CELA1: variants seen among roughly 807,000 people sequenced by gnomAD.
CELA1 encodes the protein chymotrypsin like elastase 1, also known as chymotrypsin-like elastase family member 1.
Under a neutral mutation model 34.8 loss-of-function variants are expected in CELA1, and 28 were observed. That is an observed-to-expected ratio of 0.80 (90% CI 0.60 to 1.10). The LOEUF (loss-of-function observed/expected upper bound fraction) is 1.10. Among genes scored for constraint, CELA1 ranks in the 50% least tolerant of loss-of-function variants. CELA1 has a pLI of 0.00. For missense variants in CELA1, 288 were observed against 327.5 expected (o/e 0.88, Z 0.93); for synonymous variants, 140 against 129.8 (o/e 1.08, Z -0.53).
At chr12:51,336,537 G>C (rs933679989) in intron 6 of CELA1, among the ~76,000 whole-genome samples, 1 of 152,182 alleles carries the variant, frequency 6.6e-6, no homozygotes, top group Non-Finnish European at 1.5e-5. Flanking sequence ...TGAGGTAGTA[G>C]AATCACTTGA....
intron 6 of CELA1, among the ~76,000 whole-genome samples, chr12:51,338,156 T>C (rs1322959819): frequency 6.6e-6 from 1 of 150,622 alleles, no homozygotes; most frequent in Non-Finnish European, 1.5e-5. Flanking sequence ...AAGAATTGCT[T>C]GAACCCGGGA....
At chr12:51,338,459 G>T (rs1946514053) in intron 6 of CELA1, among the ~76,000 whole-genome samples, 1 of 151,998 alleles carries the variant, frequency 6.6e-6, no homozygotes, top group Non-Finnish European at 1.5e-5. Context: ...TGTACTCTAG[G>T]TTGTTTCTTG....
At chr12:51,345,916 T>TG (rs759266978) in intron 1 of CELA1, 39 bp from the exon 2 acceptor site, 15 of 1,422,224 alleles carry the variant, frequency 1.1e-5, no homozygotes, top group Non-Finnish European at 1.4e-5. Context: ...TGACTAAGCA[T>TG]GGGGTCAGCC....
chr12:51,345,819 G>A lies in CELA1; in HGVS notation c.75C>T (p.Ala25=), dbSNP rs1298049269. 30 of 1,558,180 alleles carry A rather than the reference G, an allele frequency of 1.9e-5. No homozygotes were observed. The highest frequency in any genetic ancestry group is 3.6e-5 in the South Asian group (3 of 84,476). The change falls in exon 2 of 8, where the codon GCC becomes GCT. Residue 25 remains alanine, a synonymous_variant. Transcript: ENST00000293636. The stretch of plus-strand genomic sequence containing the variant: ...CCTGAGAGGGCCAGGAATTCCTCCC[G>A]GCCTCAGTCCCTCCGACTACGCGGG... ...TNARVVGGTE[A]GRNSWPSQIS...
At chr12:51,342,754 C>G in intron 3 of CELA1, 54 bp from the exon 4 acceptor site, 2 of 1,562,820 alleles carry the variant, frequency 1.3e-6, no homozygotes, top group Middle Eastern at 1.7e-4. Context: ...ACCTTCTCTA[C>G]CCCACTTAGA....
rs974710740 is a variant in CELA1, at chr12:51,345,949, G to A, written c.17-72C>T. The A allele has an allele frequency of 1.6e-5, 17 of 1,059,014 alleles. No individual in the cohort carries two copies. The African/African-American group carries it at 1.7e-4, about 11-fold the overall frequency. 65.6% of individuals were successfully genotyped at this position (1,059,014 alleles called of 1,614,324 possible). A position where few individuals can be genotyped will look rare whatever the true frequency, so the allele number is the denominator to read the frequency against. On this transcript the variant is annotated intron_variant, in intron 1 of 7. Transcript: ENST00000293636. ...GCCAGGGGTAGGGGTGGGGGGTGGC[G>A]ATTGTGCTTTGAGGAATGTTAGCCT...
At chr12:51,331,712 G>A (rs1189603490) in intron 6 of CELA1, among the ~76,000 whole-genome samples, 3 of 152,200 alleles carry the variant, frequency 2.0e-5, no homozygotes, top group Non-Finnish European at 4.4e-5. Flanking sequence ...CACCCATTAA[G>A]TATCCCTCAC....
chr12:51,342,900 T>C (rs1214794174), intron 3 of CELA1, among the ~76,000 whole-genome samples, 200 bp from the exon 4 acceptor site: 2 of 151,944 alleles, frequency 1.3e-5, no homozygotes, highest in African/African-American at 2.4e-5. Context: ...CCACCGCAGC[T>C]TCCCTAGTAG....
intron 6 of CELA1, among the ~76,000 whole-genome samples, chr12:51,331,989 C>A (rs1026784624): frequency 6.6e-6 from 1 of 151,928 alleles, no homozygotes; most frequent in Non-Finnish European, 1.5e-5. Flanking sequence ...TTGAGACCAG[C>A]CTGGGGTACA....
intron 2 of CELA1, among the ~76,000 whole-genome samples, chr12:51,345,125 CA>C (rs34904841): frequency 0.56 from 81,687 of 147,134 alleles, 23,088 homozygotes; most frequent in Non-Finnish European, 0.64. Context: ...AACTCCATCT[CA>C]AAAAAAAAAA....
At chr12:51,346,459 G>A (rs1459896140) in intron 1 of CELA1, among the ~76,000 whole-genome samples, 164 bp downstream of exon 1, 1 of 151,980 alleles carries the variant, frequency 6.6e-6, no homozygotes, top group East Asian at 1.9e-4. Flanking sequence ...AGTAAAGGAC[G>A]CTCTGCAGGC....
rs149535487 is a variant in CELA1 at position 51,345,393 on chromosome 12, C to CGTGT, written c.99+398_99+401dup. 6.5e-4 allele frequency among the ~76,000 whole-genome samples: 98 copies of CGTGT among 150,810 alleles called. 1 individual carries two copies. Among genetic ancestry groups the CGTGT allele is most frequent in the Non-Finnish European group, 1.2e-3 (81 of 67,500 alleles). Reference sequence around the variant, plus strand: ...ATAGCCAACTAAGCAGCATGCTGTACGTGTGTGTGTGTGTGTGTGCGCGCA... The same window carrying CGTGT: ...ATAGCCAACTAAGCAGCATGCTGTACGTGTGTGTGTGTGTGTGTGTGTGCGCGCA... On this transcript the variant is annotated intron_variant, in intron 2 of 7. Transcript: ENST00000293636.
intron 6 of CELA1, among the ~76,000 whole-genome samples, chr12:51,334,301 C>T (rs1305727773): frequency 1.3e-5 from 2 of 152,194 alleles, no homozygotes; most frequent in East Asian, 3.8e-4. Context: ...TATTTTCCCC[C>T]TTATTCCCAT....
At chr12:51,343,605 A>T (rs1220039322) in intron 3 of CELA1, 148 bp downstream of exon 3, 5 of 579,942 alleles carry the variant, frequency 8.6e-6, no homozygotes, top group Non-Finnish European at 1.6e-5. Flanking sequence ...CTTTCACCAT[A>T]CTACCTCCCT....
intron 6 of CELA1, 86 bp downstream of exon 6, chr12:51,339,774 G>A (rs1183763933): frequency 1.5e-6 from 2 of 1,354,132 alleles, no homozygotes; most frequent in Admixed American, 3.6e-5. Flanking sequence ...CTAAGAGTAA[G>A]TGTCGAATAG....
At position 51,341,279 on chromosome 12, in the gene CELA1, C is replaced by A; in HGVS notation, c.428G>T (p.Ser143Ile). Residue 143 changes from serine (S) to isoleucine (I), a missense_variant, in exon 5 of 8, where the codon AGT becomes ATT. Physicochemically the swap from Ser to Ile is moderately radical, Grantham distance 142. Transcript: ENST00000293636. The part of the protein sequence containing the change: ...PQEGAILANN[S>I]PCYITGWGKT... ...GCCCCAGCCTGTGATGTAGCAGGGA[C>A]TGTTGTTAGCCAGGATGGCTCCCTC... is the stretch of plus-strand genomic sequence containing the variant. The A allele has an allele frequency of 1.2e-6, 2 of 1,614,162 alleles. No individual in the cohort carries two copies. Among genetic ancestry groups the A allele is most frequent in the Non-Finnish European group, 1.7e-6 (2 of 1,180,036 alleles).
intron 2 of CELA1, 63 bp from the exon 3 acceptor site, chr12:51,343,916 C>A: frequency 1.1e-6 from 1 of 877,318 alleles, no homozygotes; most frequent in Non-Finnish European, 1.9e-6. Context: ...TGCCCCAGGT[C>A]GGTTGCAGTG....
At position 51,341,413 on chromosome 12, in the gene CELA1, G is replaced by A. The variant is rs375971887; in HGVS notation, c.327-33C>T. The A allele has an allele frequency of 3.1e-6, 5 of 1,613,058 alleles. No individual in the cohort carries two copies. The African/African-American group carries it at 4.0e-5, about 13-fold the overall frequency. On this transcript the variant is annotated intron_variant, in intron 4 of 7. Transcript: ENST00000293636. ...AGAAAAGGAGACTGCTCACTCATGG[G>A]ATCAGCTCTTCCCTGAGGTCAGCAT...
At chr12:51,334,744 A>AT (rs1385739113) in intron 6 of CELA1, among the ~76,000 whole-genome samples, 5 of 151,998 alleles carry the variant, frequency 3.3e-5, no homozygotes, top group South Asian at 2.1e-4. Flanking sequence ...TAATCCTTTC[A>AT]TTTTTTATAG....
Sources: allele counts gnomAD v4.1 joint callset (sites outside exome capture counted in the v4.1 genomes callset), GRCh38; gene constraint gnomAD v4.1.1; transcripts MANE v1.5; gene names NCBI Gene and HGNC (gene_info 2026-07-23, HGNC 2026-07-21).